The following DCC variants were observed in gnomAD, a reference collection of about 807,000 sequenced individuals.
The protein encoded by DCC is DCC netrin 1 receptor, also known as netrin receptor DCC.
A neutral mutation model predicts 172.5 loss-of-function variants in DCC; 58 were observed. The observed-to-expected ratio is 0.34, with a 90% CI of 0.27 to 0.42. The LOEUF is 0.42. DCC is among the 10% of genes least tolerant of loss of function. The pLI, the probability that DCC is intolerant of heterozygous loss-of-function variation, is 1.00. For synonymous variants in DCC, 709 were observed against 644.5 expected, an observed-to-expected ratio of 1.10 and a Z score of -1.52; for missense variants, 1,740 against 1,791.0, an observed-to-expected ratio of 0.97 and a Z score of 0.51.
intron 12 of DCC, among the ~76,000 whole-genome samples, chr18:53,276,855 A>G (rs1175791597): frequency 6.6e-6 from 1 of 152,166 alleles, no homozygotes; most frequent in African/African-American, 2.4e-5. Flanking sequence ...AAATTTTACT[A>G]TGGAACTTGG....
intron 1 of DCC, among the ~76,000 whole-genome samples, chr18:52,445,962 C>T (rs1025705001): frequency 2.6e-5 from 4 of 152,168 alleles, no homozygotes; most frequent in Non-Finnish European, 5.9e-5. Flanking sequence ...GAGTCTCGCT[C>T]GCTCTGTCGC....
intron 1 of DCC, among the ~76,000 whole-genome samples, chr18:52,431,402 A>G (rs1987618780): frequency 6.6e-6 from 1 of 152,182 alleles, no homozygotes; most frequent in Non-Finnish European, 1.5e-5. Flanking sequence ...GGGGTGTAAT[A>G]GTTAGGCTCC....
chr18:53,367,866 T>A (rs1350827894), intron 15 of DCC, among the ~76,000 whole-genome samples: 2 of 152,214 alleles, frequency 1.3e-5, no homozygotes, highest in Admixed American at 6.5e-5. Flanking sequence ...CAGAATTTCC[T>A]TCTTTTTAAA....
chr18:52,906,506 C>G (rs879070293), intron 3 of DCC, among the ~76,000 whole-genome samples, 178 bp downstream of exon 3: 1 of 139,682 alleles, frequency 7.2e-6, no homozygotes, highest in African/African-American at 2.6e-5. Context: ...AAAAGCTGTT[C>G]TTTTTTTTTT....
intron 2 of DCC, among the ~76,000 whole-genome samples, chr18:52,769,677 T>G (rs1261060716): frequency 6.6e-6 from 1 of 152,204 alleles, no homozygotes; most frequent in Non-Finnish European, 1.5e-5. Flanking sequence ...CAAGATCATT[T>G]AGACTTTCTT....
intron 8 of DCC, among the ~76,000 whole-genome samples, chr18:53,164,168 A>G (rs1181445221): frequency 1.3e-5 from 2 of 152,190 alleles, no homozygotes; most frequent in African/African-American, 4.8e-5. Flanking sequence ...GTTTCATTCC[A>G]ATAATTTTTT....
intron 7 of DCC, among the ~76,000 whole-genome samples, chr18:53,122,349 G>T (rs540453749): frequency 5.6e-4 from 85 of 151,984 alleles, no homozygotes; most frequent in African/African-American, 1.9e-3. Flanking sequence ...ATGGAATTGT[G>T]GTATCTGATA....
chr18:53,137,351 G>A (rs1404059867), intron 7 of DCC, among the ~76,000 whole-genome samples: 1 of 152,160 alleles, frequency 6.6e-6, no homozygotes, highest in Admixed American at 6.5e-5. Context: ...AGTTCCCCAT[G>A]TCCTTGCTGA....
intron 24 of DCC, among the ~76,000 whole-genome samples, chr18:53,467,009 TAAA>T (rs930511364): frequency 3.3e-5 from 5 of 152,036 alleles, no homozygotes; most frequent in African/African-American, 1.2e-4. Flanking sequence ...TGATAAAAAA[TAAA>T]AAGAATAAAA....
chr18:53,377,784 A>G (rs1482971362), intron 15 of DCC, among the ~76,000 whole-genome samples: 2 of 152,164 alleles, frequency 1.3e-5, no homozygotes, highest in South Asian at 2.1e-4. Context: ...TGCTGTTATT[A>G]TTGTCTTCAA....
intron 7 of DCC, among the ~76,000 whole-genome samples, chr18:53,141,307 C>G (rs932298467): frequency 2.0e-5 from 3 of 152,210 alleles, no homozygotes; most frequent in South Asian, 4.2e-4. Context: ...TGGGTATCCT[C>G]CAAAATAAAT....
chr18:53,304,663 T>C (rs961115801), intron 12 of DCC, among the ~76,000 whole-genome samples: 8 of 152,232 alleles, frequency 5.3e-5, no homozygotes, highest in African/African-American at 1.4e-4. Context: ...AAACCTGATC[T>C]GAATGACTTT....
intron 21 of DCC, among the ~76,000 whole-genome samples, chr18:53,430,922 T>C (rs1911571262): frequency 6.6e-6 from 1 of 152,078 alleles, no homozygotes; most frequent in African/African-American, 2.4e-5. Flanking sequence ...AGGAAGCATA[T>C]GGTATGTGCC....
At chr18:52,399,636 T>G (rs1986361911) in intron 1 of DCC, among the ~76,000 whole-genome samples, 1 of 151,962 alleles carries the variant, frequency 6.6e-6, no homozygotes, top group African/African-American at 2.4e-5. Flanking sequence ...CCCACCTCAG[T>G]GTCAAACTCT....
intron 25 of DCC, among the ~76,000 whole-genome samples, chr18:53,484,014 T>G (rs1056048173): frequency 6.8e-6 from 1 of 146,308 alleles, no homozygotes; most frequent in Non-Finnish European, 1.5e-5. Context: ...TAGATAGATA[T>G]AGTGTGTGTG....
chr18:52,436,830 G>T (rs1265227092), intron 1 of DCC, among the ~76,000 whole-genome samples: 1 of 152,174 alleles, frequency 6.6e-6, no homozygotes, highest in Admixed American at 6.5e-5. Flanking sequence ...TGAGGCACAA[G>T]AATCACTTGA....
chr18:53,424,906 G>A (rs1239862636), intron 21 of DCC, among the ~76,000 whole-genome samples: 1 of 152,088 alleles, frequency 6.6e-6, no homozygotes. Context: ...ATATCAGCTA[G>A]CTATTGTCTA....
chr18:53,089,429 G>T (rs996118861), intron 7 of DCC, among the ~76,000 whole-genome samples: 1 of 151,948 alleles, frequency 6.6e-6, no homozygotes, highest in African/African-American at 2.4e-5. Context: ...TTCATGCCTT[G>T]TGTCTACTTC....
chr18:53,436,719 C>T (rs1317827874), intron 22 of DCC, among the ~76,000 whole-genome samples: 4 of 152,278 alleles, frequency 2.6e-5, no homozygotes, highest in South Asian at 2.1e-4. Context: ...ACCAGCAACA[C>T]GTAGAACGTC....
Sources: gnomAD v4.1 joint callset for allele counts (sites outside exome capture counted in the v4.1 genomes callset) on GRCh38, gnomAD v4.1.1 for gene constraint, MANE v1.5 for transcripts, NCBI Gene and HGNC (gene_info 2026-07-23, HGNC 2026-07-21) for gene names.